Variants in PKHD1L1 observed in about 807,000 individuals in gnomAD.
The protein encoded by PKHD1L1 is fibrocystin-L.
Under a neutral mutation model 462.9 loss-of-function variants are expected in PKHD1L1, and 434 were observed. The observed-to-expected ratio is 0.94, with a 90% CI of 0.87 to 1.02. PKHD1L1 has a LOEUF of 1.02. Ranked by LOEUF, PKHD1L1 falls within the 50% of genes least tolerant of loss-of-function variation. The probability of loss-of-function intolerance (pLI) is 0.00; values close to 1 mark genes in which losing one functional copy is unlikely to be tolerated. For synonymous variants in PKHD1L1, 1,781 were observed against 1,750.0 expected (o/e 1.02, Z -0.44); for missense variants, 5,202 against 5,096.1 (o/e 1.02, Z -0.63).
chr8:109,489,680 C>T (rs1818731797), intron 59 of PKHD1L1, among the ~76,000 whole-genome samples: 1 of 151,744 alleles, frequency 6.6e-6, no homozygotes, highest in African/African-American at 2.4e-5. Flanking sequence ...TTGTGGTCCT[C>T]CAAAGGGCCA....
intron 11 of PKHD1L1, among the ~76,000 whole-genome samples, chr8:109,397,588 G>A (rs1179892150): frequency 6.6e-6 from 1 of 152,154 alleles, no homozygotes; most frequent in Non-Finnish European, 1.5e-5. Context: ...TACTTGAGAG[G>A]CTGAGATGGG....
At chr8:109,437,864 A>G (rs1289352409) in intron 30 of PKHD1L1, among the ~76,000 whole-genome samples, 2 of 152,124 alleles carry the variant, frequency 1.3e-5, no homozygotes, top group Non-Finnish European at 1.5e-5. Context: ...AAAGCATCAA[A>G]TAGTTTTCTT....
Position 109,440,748 on chromosome 8 carries a change from T to G in PKHD1L1, c.3995T>G (p.Val1332Gly). 6.2e-7 allele frequency: 1 copy of G among 1,612,966 alleles called. No individual in the cohort carries two copies. Among genetic ancestry groups the G allele is most frequent in the Admixed American group, 1.7e-5 (1 of 59,972 alleles). ...LNSSIQYVLE[V>G]TSMFPQRGSL... is the part of the protein sequence containing the mutation. The stretch of plus-strand genomic sequence containing the variant: ...TCTTCAATACAGTATGTTTTAGAAG[T>G]GACCAGCATGTTTCCACAAAGAGGC... The change falls in exon 33 of 78, where the codon GTG becomes GGG. Residue 1332 changes from valine to glycine, a missense_variant. Coordinates refer to ENST00000378402, the MANE Select transcript of PKHD1L1 (RefSeq NM_177531.6).
chr8:109,518,068 TG>T, intron 72 of PKHD1L1, 98 bp from the exon 73 acceptor site: 2 of 769,168 alleles, frequency 2.6e-6, no homozygotes, highest in Non-Finnish European at 2.0e-6. Context: ...AAGTTGAATT[TG>T]GGGGACTTTC....
intron 28 of PKHD1L1, 54 bp downstream of exon 28, chr8:109,433,270 G>A (rs1028087162): frequency 3.9e-6 from 5 of 1,272,010 alleles, no homozygotes; most frequent in Middle Eastern, 1.9e-4. Context: ...AGATAAAGTG[G>A]AATCAAAGGG....
At chr8:109,432,701 G>A (rs962316305) in intron 27 of PKHD1L1, among the ~76,000 whole-genome samples, 3 of 152,208 alleles carry the variant, frequency 2.0e-5, no homozygotes, top group Non-Finnish European at 1.5e-5. Context: ...CAAATGGGAA[G>A]TGTCCATACC....
intron 27 of PKHD1L1, among the ~76,000 whole-genome samples, chr8:109,432,266 G>C (rs1391638945): frequency 1.3e-5 from 2 of 152,064 alleles, no homozygotes; most frequent in East Asian, 3.9e-4. Flanking sequence ...AAAGATTTAA[G>C]TCATTGATTT....
At chr8:109,404,959 T>C in intron 15 of PKHD1L1, 36 bp from the exon 16 acceptor site, 1 of 1,318,466 alleles carries the variant, frequency 7.6e-7, no homozygotes, top group South Asian at 1.5e-5. Flanking sequence ...ATATATATTT[T>C]TCATATATTA....
chr8:109,494,966 A>G (rs984311909), intron 63 of PKHD1L1, among the ~76,000 whole-genome samples: 2 of 152,044 alleles, frequency 1.3e-5, no homozygotes, highest in African/African-American at 4.8e-5. Flanking sequence ...GTTGATTTTA[A>G]AAGAAAAGTC....
chr8:109,394,514 G>A (rs745875853), intron 10 of PKHD1L1, 29 bp downstream of exon 10: 28 of 1,386,016 alleles, frequency 2.0e-5, no homozygotes, highest in African/African-American at 2.9e-5. Context: ...ACTCTGTTGC[G>A]GGGGTGGTGG....
chr8:109,513,134 A>C (rs1025429617), intron 71 of PKHD1L1, among the ~76,000 whole-genome samples: 2 of 151,354 alleles, frequency 1.3e-5, no homozygotes, highest in East Asian at 3.9e-4. Context: ...CAATCATGTC[A>C]TCTGCAAACA....
At chr8:109,387,620 G>A (rs1373665054) in intron 6 of PKHD1L1, among the ~76,000 whole-genome samples, 1 of 152,182 alleles carries the variant, frequency 6.6e-6, no homozygotes, top group Non-Finnish European at 1.5e-5. Flanking sequence ...AATAAGGCAG[G>A]AGGTTAGGAG....
chr8:109,372,020 G>GT (rs1166550368), intron 2 of PKHD1L1, among the ~76,000 whole-genome samples: 2 of 152,140 alleles, frequency 1.3e-5, no homozygotes, highest in East Asian at 1.9e-4. Flanking sequence ...CTTCAAAGTA[G>GT]TTTTTTCGAA....
intron 59 of PKHD1L1, 124 bp downstream of exon 59, chr8:109,486,945 T>G: frequency 9.7e-7 from 1 of 1,026,814 alleles, no homozygotes; most frequent in Non-Finnish European, 1.4e-6. Context: ...GCATTAAAAG[T>G]GATTATGTAG....
intron 23 of PKHD1L1, among the ~76,000 whole-genome samples, chr8:109,424,740 A>G (rs996705023): frequency 9.2e-5 from 14 of 152,150 alleles, no homozygotes; most frequent in South Asian, 4.1e-4. Context: ...ACCACATCTC[A>G]TGCTCCTTTG....
chr8:109,472,882 T>C (rs1817794703), intron 50 of PKHD1L1, among the ~76,000 whole-genome samples: 1 of 152,014 alleles, frequency 6.6e-6, no homozygotes, highest in South Asian at 2.1e-4. Flanking sequence ...ACTAGATTAG[T>C]GGGAAGTAAG....
intron 21 of PKHD1L1, among the ~76,000 whole-genome samples, chr8:109,414,487 C>CT (rs369895866): frequency 0.011 from 1,606 of 145,574 alleles, 17 homozygotes; most frequent in Middle Eastern, 0.053. Flanking sequence ...GAAAATATTC[C>CT]TTTTTTTTTT....
In PKHD1L1 at chr8:109,530,700, T is replaced by C. The variant is rs1043151748; in HGVS notation, c.*610T>C. On this transcript the variant is annotated 3_prime_UTR_variant, in exon 78 of 78. Coordinates refer to ENST00000378402, the MANE Select transcript of PKHD1L1 (RefSeq NM_177531.6). ...TGGATCTGCCCAACTCTGGCCAATA[T>C]TGGGAAAAGTTTTCTTGTCCTTGGA... Among the ~76,000 whole-genome samples, 1 of 152,118 alleles carries C rather than the reference T, an allele frequency of 6.6e-6. No homozygotes were observed. Among genetic ancestry groups the C allele is most frequent in the Non-Finnish European group, 1.5e-5 (1 of 68,018 alleles).
intron 5 of PKHD1L1, 133 bp downstream of exon 5, chr8:109,384,260 C>T: frequency 1.4e-6 from 1 of 740,652 alleles, no homozygotes; most frequent in East Asian, 2.9e-5. Flanking sequence ...AACTATCAGC[C>T]AGGCGCGGTG....
Sources: gnomAD v4.1 joint callset for allele counts (sites outside exome capture counted in the v4.1 genomes callset) on GRCh38, gnomAD v4.1.1 for gene constraint, MANE v1.5 for transcripts, NCBI Gene and HGNC (gene_info 2026-07-23, HGNC 2026-07-21) for gene names.